CTBP2: variants seen among roughly 807,000 people sequenced by gnomAD.
CTBP2 encodes C-terminal binding protein 2.
In CTBP2, 30 loss-of-function variants were observed where a neutral mutation model predicts 80.3. That is an observed-to-expected ratio of 0.37 (90% CI 0.28 to 0.51). The LOEUF (loss-of-function observed/expected upper bound fraction) is 0.51, where lower values mean the gene tolerates loss of function less well. CTBP2 is among the 20% of genes least tolerant of loss of function. CTBP2 has a pLI of 0.93. For missense variants in CTBP2, 1,212 were observed against 1,375.3 expected (o/e 0.88, Z 1.88); for synonymous variants, 594 against 587.4 (o/e 1.01, Z -0.16).
At chr10:125,143,410 A>G (rs35991519) in intron 1 of CTBP2, among the ~76,000 whole-genome samples, 20,945 of 152,172 alleles carry the variant, frequency 0.14, 3,155 homozygotes, top group African/African-American at 0.38. Context: ...CCCGGGAGGC[A>G]GAGGTTGCAG....
chr10:125,050,527 T>C (rs1228869717), intron 2 of CTBP2, among the ~76,000 whole-genome samples: 2 of 152,110 alleles, frequency 1.3e-5, no homozygotes, highest in Admixed American at 1.3e-4. Context: ...AGAGCGGGCG[T>C]CTCGCAGAGT....
At chr10:125,119,852 G>C (rs928374847) in intron 1 of CTBP2, among the ~76,000 whole-genome samples, 11 of 152,212 alleles carry the variant, frequency 7.2e-5, no homozygotes, top group African/African-American at 2.2e-4. Flanking sequence ...CTCTGAAGCT[G>C]GGGTGCAGAA....
intron 2 of CTBP2, among the ~76,000 whole-genome samples, chr10:125,093,704 T>C (rs1160243776): frequency 2.0e-5 from 3 of 152,200 alleles, no homozygotes; most frequent in Non-Finnish European, 4.4e-5. Context: ...GCCCACGGCA[T>C]CTGCCATTTC....
At chr10:125,105,342 G>A (rs1003166604) in intron 2 of CTBP2, among the ~76,000 whole-genome samples, 2 of 152,178 alleles carry the variant, frequency 1.3e-5, no homozygotes, top group African/African-American at 4.8e-5. Flanking sequence ...TATAGAGATG[G>A]GGTCTTGCTA....
intron 1 of CTBP2, among the ~76,000 whole-genome samples, chr10:125,146,430 G>A (rs149324260): frequency 2.0e-3 from 299 of 149,224 alleles, no homozygotes; most frequent in African/African-American, 7.0e-3. Context: ...ACAGGTGCGC[G>A]CCACCACGCA....
intron 1 of CTBP2, among the ~76,000 whole-genome samples, chr10:125,123,663 T>C (rs1854717346): frequency 6.6e-6 from 1 of 152,188 alleles, no homozygotes; most frequent in Admixed American, 6.5e-5. Context: ...TCAACTGGGA[T>C]CTGTGTCCTC....
chr10:124,987,992 C>T lies in CTBP2; in HGVS notation c.*1526G>A, dbSNP rs1952107903. The T allele has an allele frequency of 6.6e-6, 1 of 152,504 alleles. No homozygotes were observed. The highest frequency in any genetic ancestry group is 2.4e-5 in the African/African-American group (1 of 41,436). 9.4% of individuals were successfully genotyped at this position (152,504 alleles called of 1,614,324 possible). ...GGCAAAACAGTTTCAAGGTTCACTTCCCTCCCTTGAACCAGGTCCAGGTCA... is the reference window on the plus strand; with the variant it reads ...GGCAAAACAGTTTCAAGGTTCACTTTCCTCCCTTGAACCAGGTCCAGGTCA... On this transcript the variant is annotated 3_prime_UTR_variant, in exon 9 of 9. Coordinates refer to ENST00000309035, the MANE Select transcript of CTBP2 (RefSeq NM_022802.3).
At chr10:125,116,984 G>A (rs563689784) in intron 1 of CTBP2, among the ~76,000 whole-genome samples, 3 of 152,326 alleles carry the variant, frequency 2.0e-5, no homozygotes, top group East Asian at 1.9e-4. Flanking sequence ...GTTCCCTGAA[G>A]GACCAGGGAC....
chr10:125,037,460 C>T (rs549232860), intron 3 of CTBP2, among the ~76,000 whole-genome samples: 1 of 152,298 alleles, frequency 6.6e-6, no homozygotes, highest in Admixed American at 6.5e-5. Flanking sequence ...AGCACCTTTA[C>T]AGTGGAAGTC....
At chr10:125,083,164 T>TA (rs1847434971) in intron 2 of CTBP2, among the ~76,000 whole-genome samples, 1 of 152,154 alleles carries the variant, frequency 6.6e-6, no homozygotes, top group African/African-American at 2.4e-5. Context: ...AAGCTAGACT[T>TA]AAATTCTGCC....
chr10:125,120,879 A>G (rs1206493803), intron 1 of CTBP2, among the ~76,000 whole-genome samples: 1 of 152,232 alleles, frequency 6.6e-6, no homozygotes. Flanking sequence ...TACATGTGCA[A>G]TACTGACTGG....
Position 125,027,980 on chromosome 10 carries a change from A to G in CTBP2, c.-221T>C, listed in dbSNP as rs992103837. 95 of 1,305,502 alleles carry G rather than the reference A, an allele frequency of 7.3e-5. 1 individual carries two copies. The Middle Eastern group carries it at 1.4e-3, about 20-fold the overall frequency. 80.9% of individuals were successfully genotyped at this position (1,305,502 alleles called of 1,614,324 possible). A position where few individuals can be genotyped will look rare whatever the true frequency, so the allele number is the denominator to read the frequency against. ...CACGGTAACTTTGCCTCACTCCCCAACGATAGCCAGAGAGGTCTGTTCCTT... is the reference window on the plus strand; with the variant it reads ...CACGGTAACTTTGCCTCACTCCCCAGCGATAGCCAGAGAGGTCTGTTCCTT... On this transcript the variant is annotated 5_prime_UTR_variant, in exon 1 of 9. Transcript: ENST00000309035.
chr10:125,060,993 C>T (rs1334983710), intron 2 of CTBP2, among the ~76,000 whole-genome samples: 2 of 152,190 alleles, frequency 1.3e-5, no homozygotes, highest in Non-Finnish European at 2.9e-5. Context: ...GCTAGGGCAG[C>T]CCATAGCCAG....
intron 2 of CTBP2, among the ~76,000 whole-genome samples, chr10:125,049,041 C>CCA (rs1364121384): frequency 5.3e-5 from 6 of 112,414 alleles, no homozygotes; most frequent in African/African-American, 1.4e-4. Flanking sequence ...GCCCGCCTGA[C>CCA]CACAGACACA....
intron 1 of CTBP2, among the ~76,000 whole-genome samples, chr10:125,116,562 TG>T (rs1853339043): frequency 6.6e-6 from 1 of 152,078 alleles, no homozygotes; most frequent in South Asian, 2.1e-4. Flanking sequence ...GCCACAGCCC[TG>T]GGGATCACGC....
upstream of CTBP2, among the ~76,000 whole-genome samples, chr10:125,029,145 C>T (rs11599580): frequency 0.013 from 1,941 of 152,308 alleles, 28 homozygotes; most frequent in South Asian, 0.059. Context: ...AGCATTAAAC[C>T]CGAGTGCTGT....
At chr10:125,125,463 C>T (rs1855073626) in intron 1 of CTBP2, among the ~76,000 whole-genome samples, 1 of 152,206 alleles carries the variant, frequency 6.6e-6, no homozygotes, top group South Asian at 2.1e-4. Context: ...CTGGTCTATT[C>T]TGCCATTGTC....
At chr10:125,034,795 C>G (rs1427618602) in intron 3 of CTBP2, among the ~76,000 whole-genome samples, 1 of 152,094 alleles carries the variant, frequency 6.6e-6, no homozygotes, top group Non-Finnish European at 1.5e-5. Context: ...TCTTAAATAC[C>G]AAACAAAACC....
intron 2 of CTBP2, among the ~76,000 whole-genome samples, chr10:125,104,366 A>C (rs1851125057): frequency 6.6e-6 from 1 of 152,168 alleles, no homozygotes; most frequent in Non-Finnish European, 1.5e-5. Context: ...CTAATGTTCT[A>C]TCTTTTTGCC....
Sources: gnomAD v4.1 joint callset for allele counts (sites outside exome capture counted in the v4.1 genomes callset) on GRCh38, gnomAD v4.1.1 for gene constraint, MANE v1.5 for transcripts, NCBI Gene and HGNC (gene_info 2026-07-23, HGNC 2026-07-21) for gene names.